The following ALDH1A2 variants were observed in gnomAD, a reference collection of about 807,000 sequenced individuals.
ALDH1A2 encodes the protein retinal dehydrogenase 2.
In ALDH1A2, 27 loss-of-function variants were observed where a neutral mutation model predicts 60.3. The ratio of observed to expected loss-of-function variants is 0.45; its 90% CI spans 0.33 to 0.62. The LOEUF (loss-of-function observed/expected upper bound fraction) is 0.62. ALDH1A2 is among the 20% of genes least tolerant of loss of function. The pLI, the probability that ALDH1A2 is intolerant of heterozygous loss-of-function variation, is 0.02. For synonymous variants in ALDH1A2, 289 were observed against 232.4 expected, an observed-to-expected ratio of 1.24 and a Z score of -2.21; for missense variants, 581 against 643.8, an observed-to-expected ratio of 0.90 and a Z score of 1.06.
At chr15:57,983,070 G>A (rs186453132) in intron 7 of ALDH1A2, among the ~76,000 whole-genome samples, 2 of 152,212 alleles carry the variant, frequency 1.3e-5, no homozygotes, top group East Asian at 3.9e-4. Flanking sequence ...TCTAAGGATA[G>A]ACACTGAATT....
intron 1 of ALDH1A2, among the ~76,000 whole-genome samples, chr15:58,028,878 A>G (rs182283186): frequency 1.5e-3 from 227 of 152,324 alleles, no homozygotes; most frequent in African/African-American, 5.2e-3. Flanking sequence ...CACCCAATAC[A>G]GGAGCACCCA....
intron 4 of ALDH1A2, among the ~76,000 whole-genome samples, chr15:57,996,787 G>T (rs758936764): frequency 2.6e-5 from 4 of 151,920 alleles, no homozygotes; most frequent in South Asian, 2.1e-4. Context: ...TCAACAACAC[G>T]CTATTTTTCC....
At chr15:57,972,198 C>T (rs947497959) in intron 7 of ALDH1A2, among the ~76,000 whole-genome samples, 1 of 152,152 alleles carries the variant, frequency 6.6e-6, no homozygotes. Context: ...CAAACAGGCA[C>T]CCACTGAGTG....
At chr15:57,972,879 C>T (rs4646612) in intron 7 of ALDH1A2, among the ~76,000 whole-genome samples, 55,016 of 151,538 alleles carry the variant, frequency 0.36, 10,664 homozygotes, top group Non-Finnish European at 0.45. Context: ...AGCAAGCCAC[C>T]TCCCCTAACC....
intron 1 of ALDH1A2, among the ~76,000 whole-genome samples, chr15:58,042,409 A>G (rs117904278): frequency 6.6e-6 from 1 of 152,128 alleles, no homozygotes; most frequent in East Asian, 1.9e-4. Flanking sequence ...ACTTTTGTAT[A>G]ACCAACATCT....
At chr15:58,006,684 T>A (rs1388362546) in intron 4 of ALDH1A2, among the ~76,000 whole-genome samples, 1 of 142,082 alleles carries the variant, frequency 7.0e-6, no homozygotes, top group Non-Finnish European at 1.5e-5. Context: ...ACATCTATTT[T>A]TTTTATTTTT....
chr15:57,958,071 G>A (rs1231459739), intron 12 of ALDH1A2, among the ~76,000 whole-genome samples: 1 of 152,192 alleles, frequency 6.6e-6, no homozygotes, highest in Non-Finnish European at 1.5e-5. Flanking sequence ...CACTCTGGAA[G>A]CTTGTTAAAA....
chr15:57,985,745 T>G (rs879223679), intron 7 of ALDH1A2, among the ~76,000 whole-genome samples: 2 of 152,170 alleles, frequency 1.3e-5, no homozygotes, highest in Admixed American at 1.3e-4. Context: ...GCCTAAGGGA[T>G]AGACTCCAAA....
intron 1 of ALDH1A2, among the ~76,000 whole-genome samples, chr15:58,036,274 A>T (rs2704220): frequency 6.6e-6 from 1 of 151,538 alleles, no homozygotes; most frequent in Non-Finnish European, 1.5e-5. Flanking sequence ...ATCACTGGAA[A>T]ATAAAATTTA....
At chr15:57,987,182 G>T (rs1894732642) in intron 7 of ALDH1A2, among the ~76,000 whole-genome samples, 2 of 152,028 alleles carry the variant, frequency 1.3e-5, no homozygotes, top group Non-Finnish European at 2.9e-5. Flanking sequence ...AAGAGTCCCA[G>T]TGACCCATGG....
At chr15:58,002,447 A>T (rs937999444) in intron 4 of ALDH1A2, among the ~76,000 whole-genome samples, 6 of 151,950 alleles carry the variant, frequency 3.9e-5, no homozygotes, top group African/African-American at 1.4e-4. Flanking sequence ...CTTAAATCAG[A>T]TCTTACAGTT....
intron 1 of ALDH1A2, among the ~76,000 whole-genome samples, chr15:58,032,634 C>T (rs1447382295): frequency 1.3e-5 from 2 of 151,992 alleles, no homozygotes; most frequent in Non-Finnish European, 2.9e-5. Context: ...TCTCAAAAAA[C>T]TGAAAATAGA....
intron 1 of ALDH1A2, among the ~76,000 whole-genome samples, chr15:58,062,426 T>A (rs1177070845): frequency 1.3e-5 from 2 of 152,130 alleles, no homozygotes; most frequent in African/African-American, 4.8e-5. Context: ...TTAAGAGATA[T>A]CCCCTGCAGT....
chr15:58,008,547 T>A (rs1895532052), intron 4 of ALDH1A2, among the ~76,000 whole-genome samples: 1 of 152,100 alleles, frequency 6.6e-6, no homozygotes, highest in South Asian at 2.1e-4. Context: ...TCTTCCCTCC[T>A]GAGGAAGTAA....
At chr15:58,029,239 C>T (rs1287520223) in intron 1 of ALDH1A2, among the ~76,000 whole-genome samples, 1 of 152,168 alleles carries the variant, frequency 6.6e-6, no homozygotes, top group Non-Finnish European at 1.5e-5. Flanking sequence ...GGGTAAGAAA[C>T]TCACTCAAAA....
chr15:58,013,220 G>A (rs1286730937), intron 3 of ALDH1A2, among the ~76,000 whole-genome samples: 1 of 152,144 alleles, frequency 6.6e-6, no homozygotes, highest in African/African-American at 2.4e-5. Flanking sequence ...CTCAAGAGAG[G>A]TTAACTCTGG....
intron 1 of ALDH1A2, among the ~76,000 whole-genome samples, chr15:58,027,776 A>G (rs1389043321): frequency 1.3e-5 from 2 of 152,134 alleles, no homozygotes; most frequent in African/African-American, 4.8e-5. Context: ...AGCTGATTCA[A>G]TCAAGTAGAA....
intron 10 of ALDH1A2, among the ~76,000 whole-genome samples, chr15:57,961,505 T>C (rs552445582): frequency 6.6e-6 from 1 of 152,256 alleles, no homozygotes; most frequent in East Asian, 1.9e-4. Context: ...CCCCAACCTC[T>C]CCAGCATCAC....
chr15:58,010,742 G>C lies in ALDH1A2; in HGVS notation c.400C>G (p.Gln134Glu), dbSNP rs368738169. ...CCCTGCAAATCCACATAAAAAGCTT[G>C]CAGGAATGGTTTGCCACCATTTAGG... ...ESLNGGKPFL[Q>E]AFYVDLQGVI... The change falls in exon 4 of 13, where the codon CAA becomes GAA. Residue 134 changes from glutamine (Q) to glutamate (E), a missense_variant. Around this residue, in one of 2 missense-constraint regions of ALDH1A2, gnomAD observed 206 missense variants for 174.1 expected, o/e 1.18. Transcript: ENST00000249750. 7 of 1,613,410 alleles carry C rather than the reference G, an allele frequency of 4.3e-6. No individual in the cohort carries two copies. The African/African-American group carries it at 9.3e-5, about 22-fold the overall frequency.
Sources: gnomAD v4.1 joint callset for allele counts (sites outside exome capture counted in the v4.1 genomes callset) on GRCh38, gnomAD v4.1.1 for gene constraint, gnomAD v4.1.1 regional missense constraint, MANE v1.5 for transcripts, NCBI Gene and HGNC (gene_info 2026-07-23, HGNC 2026-07-21) for gene names.